The following MYO7B variants were observed in gnomAD, a reference collection of about 807,000 sequenced individuals.
MYO7B encodes myosin VIIB.
In MYO7B, 212 loss-of-function variants were observed where a neutral mutation model predicts 259.7. The observed-to-expected ratio is 0.82, with a 90% CI of 0.73 to 0.91. The LOEUF (loss-of-function observed/expected upper bound fraction) is 0.91. Among genes scored for constraint, MYO7B ranks in the 40% least tolerant of loss-of-function variants. The pLI is 0.00. For synonymous variants in MYO7B, 1,197 were observed against 1,166.4 expected (o/e 1.03, Z -0.54); for missense variants, 2,732 against 2,813.5 (o/e 0.97, Z 0.66).
chr2:127,612,551 C>A lies in MYO7B; in HGVS notation c.3346C>A (p.Leu1116Met). 6.2e-7 allele frequency: 1 copy of A among 1,601,136 alleles called. No individual in the cohort carries two copies. Among genetic ancestry groups the A allele is most frequent in the South Asian group, 1.1e-5 (1 of 88,260 alleles). Residue 1116 changes from leucine (L) to methionine (M), a missense_variant, in exon 26 of 48, where the codon CTG becomes ATG. This residue lies in a region of MYO7B where 1,906 missense variants were observed against 2,026.4 expected (regional missense o/e 0.94). Transcript: ENST00000409816. ...GLGADRPMSN[L>M]EKVHFIVGYA... ...TGGTGCAGACCGGCCCATGTCCAAC[C>A]TGGAGAAGGTGCACTTCATCGTGGG...
chr2:127,616,065 G>A (rs1409507718), intron 26 of MYO7B, among the ~76,000 whole-genome samples: 6 of 152,212 alleles, frequency 3.9e-5, no homozygotes, highest in African/African-American at 1.4e-4. Context: ...GAGGCATGCC[G>A]TTGCTGAAGC....
intron 1 of MYO7B, among the ~76,000 whole-genome samples, chr2:127,540,458 C>T (rs558313093): frequency 3.5e-4 from 54 of 152,350 alleles, no homozygotes; most frequent in African/African-American, 1.3e-3. Context: ...GCCACCGCGC[C>T]CAGCCGCAAG....
Position 127,628,602 on chromosome 2 carries a change from G to C in MYO7B, c.4624+67G>C. 1 of 1,408,664 alleles carries C rather than the reference G, an allele frequency of 7.1e-7. No individual in the cohort carries two copies. The highest frequency in any genetic ancestry group is 1.3e-5 in the South Asian group (1 of 74,436). The allele number at this position is 1,408,664 out of a possible 1,614,324, so 87.3% of individuals were successfully genotyped here. Reference sequence around the variant, plus strand: ...GGGAGGGCCGCGCATGGGGTCTGTAGGTAGGTGGCATGCTCATCTCCACAC... The same window carrying C: ...GGGAGGGCCGCGCATGGGGTCTGTACGTAGGTGGCATGCTCATCTCCACAC... On this transcript the variant is annotated intron_variant, in intron 34 of 47. Coordinates refer to ENST00000409816, the MANE Select transcript of MYO7B (RefSeq NM_001393586.1). The surrounding 1 kb of genome is among the most constrained non-coding windows in gnomAD (Gnocchi z 4.8).
At position 127,584,182 on chromosome 2, in the gene MYO7B, C is replaced by A. The variant is rs756955734; in HGVS notation, c.1404C>A (p.His468Gln). The change falls in exon 13 of 48, where the codon CAC becomes CAA. Residue 468 changes from histidine (H) to glutamine (Q), a missense_variant. By Grantham distance (24) the His-to-Gln change is conservative. Transcript: ENST00000409816. The surrounding 1 kb of genome is among the most constrained non-coding windows in gnomAD (Gnocchi z 5.8). ...NEHLQQFFVQ[H>Q]VFTMEQEEYR... ...ACCTGCAGCAGTTCTTTGTGCAGCACGTGTTCACCATGGAGCAAGAGGAGT... is the reference window on the plus strand; with the variant it reads ...ACCTGCAGCAGTTCTTTGTGCAGCAAGTGTTCACCATGGAGCAAGAGGAGT... 6.2e-7 allele frequency: 1 copy of A among 1,613,968 alleles called. No homozygotes were observed. The highest frequency in any genetic ancestry group is 8.5e-7 in the Non-Finnish European group (1 of 1,179,880).
chr2:127,588,943 G>C (rs1679419452), intron 15 of MYO7B, among the ~76,000 whole-genome samples: 1 of 150,546 alleles, frequency 6.6e-6, no homozygotes, highest in African/African-American at 2.4e-5. Flanking sequence ...GTGAATGGGT[G>C]GTTGGGTGGA....
chr2:127,584,696 C>G lies in MYO7B; in HGVS notation c.1555-82C>G. 3 of 1,524,982 alleles carry G rather than the reference C, an allele frequency of 2.0e-6. No homozygotes were observed. The highest frequency in any genetic ancestry group is 2.7e-6 in the Non-Finnish European group (3 of 1,118,094). The allele number at this position is 1,524,982 out of a possible 1,614,324, so 94.5% of individuals were successfully genotyped here. A position where few individuals can be genotyped will look rare whatever the true frequency, so the allele number is the denominator to read the frequency against. ...TCATTCTGAGCCCAGATCTCTTTGC[C>G]TCCATGAGGAAGTCCCTGAGCCTCA... On this transcript the variant is annotated intron_variant, in intron 13 of 47. Transcript: ENST00000409816. The surrounding 1 kb of genome is among the most constrained non-coding windows in gnomAD (Gnocchi z 5.8).
Position 127,576,413 on chromosome 2 carries a change from G to T in MYO7B, c.736-182G>T, listed in dbSNP as rs116173864. Among the ~76,000 whole-genome samples the T allele has an allele frequency of 0.016, 2,371 of 152,250 alleles. 26 individuals carry two copies. Among genetic ancestry groups the T allele is most frequent in the Non-Finnish European group, 0.022 (1,479 of 67,994 alleles). On this transcript the variant is annotated intron_variant, in intron 7 of 47. Transcript: ENST00000409816. This position sits in a 1 kb window ranked among gnomAD's most constrained non-coding sequence, Gnocchi z 4.9. ...TTCTCAGGGCAGGGATGAGACAGCCGCGGAGGCCCGGGACAGGGACAGCAA... is the reference window on the plus strand; with the variant it reads ...TTCTCAGGGCAGGGATGAGACAGCCTCGGAGGCCCGGGACAGGGACAGCAA...
intron 21 of MYO7B, among the ~76,000 whole-genome samples, chr2:127,608,490 C>T (rs1230192365): frequency 3.9e-5 from 6 of 152,260 alleles, no homozygotes; most frequent in African/African-American, 7.2e-5. Flanking sequence ...CTCCAGAGCT[C>T]TGATTATCAC....
chr2:127,551,652 A>G (rs1362982185), intron 1 of MYO7B, among the ~76,000 whole-genome samples: 2 of 152,256 alleles, frequency 1.3e-5, no homozygotes, highest in Non-Finnish European at 2.9e-5. Flanking sequence ...GCAAGGCCCT[A>G]AAGCAGAGGC....
chr2:127,561,226 G>A (rs1241603047), intron 2 of MYO7B, among the ~76,000 whole-genome samples: 1 of 152,008 alleles, frequency 6.6e-6, no homozygotes, highest in Non-Finnish European at 1.5e-5. Context: ...ACAATTGCAG[G>A]CCTGCTCTGT....
chr2:127,614,113 C>T lies in MYO7B; in HGVS notation c.3398+1510C>T, dbSNP rs1680486269. Among the ~76,000 whole-genome samples the T allele has an allele frequency of 6.6e-6, 1 of 152,118 alleles. No homozygotes were observed. Among genetic ancestry groups the T allele is most frequent in the Non-Finnish European group, 1.5e-5 (1 of 68,030 alleles). On this transcript the variant is annotated intron_variant, in intron 26 of 47. Transcript: ENST00000409816. The surrounding 1 kb of genome is among the most constrained non-coding windows in gnomAD (Gnocchi z 4.6). ...TGGTTAATCCTCACTGGCCACCACA[C>T]CACACCCTCCAATATGGCAGACACA...
At chr2:127,537,250 C>T (rs373035821) in intron 1 of MYO7B, among the ~76,000 whole-genome samples, 25 of 152,136 alleles carry the variant, frequency 1.6e-4, no homozygotes, top group Admixed American at 7.2e-4. Flanking sequence ...TTATCATGCC[C>T]GCTGAAACTG....
At chr2:127,633,785 G>A (rs374795070) in intron 40 of MYO7B, among the ~76,000 whole-genome samples, 1 of 152,288 alleles carries the variant, frequency 6.6e-6, no homozygotes, top group Middle Eastern at 3.4e-3. Flanking sequence ...GGACCCCACC[G>A]TGACACAGAG....
chr2:127,569,107 C>A (rs1046054704), intron 5 of MYO7B, among the ~76,000 whole-genome samples: 1 of 147,346 alleles, frequency 6.8e-6, no homozygotes, highest in African/African-American at 2.5e-5. Flanking sequence ...ACTCAGGAAG[C>A]TGAGGCATGA....
intron 6 of MYO7B, among the ~76,000 whole-genome samples, chr2:127,571,199 C>T (rs553804686): frequency 7.6e-4 from 116 of 152,226 alleles, no homozygotes; most frequent in African/African-American, 2.8e-3. Flanking sequence ...GCTTTCCCAC[C>T]AGCAGAGCAG....
rs1021255159 is a variant in MYO7B, at chr2:127,628,002, G to A, written c.4461-370G>A. ...AGCATCACCCATTCTGCAGATGAGC[G>A]GATGAGTAAACTGAAGCACGCCGAG... On this transcript the variant is annotated intron_variant, in intron 33 of 47. Transcript: ENST00000409816. This position sits in a 1 kb window ranked among gnomAD's most constrained non-coding sequence, Gnocchi z 4.8. 4.2e-5 allele frequency: 20 copies of A among 481,914 alleles called. No homozygotes were observed. The highest frequency in any genetic ancestry group is 3.1e-4 in the Middle Eastern group (1 of 3,204). The allele number at this position is 481,914 out of a possible 1,614,324, so 29.9% of individuals were successfully genotyped here. A position where few individuals can be genotyped will look rare whatever the true frequency, so the allele number is the denominator to read the frequency against.
chr2:127,537,277 A>AG (rs1232308665), intron 1 of MYO7B, among the ~76,000 whole-genome samples: 2 of 152,132 alleles, frequency 1.3e-5, no homozygotes, highest in Non-Finnish European at 2.9e-5. Context: ...CTGGGGCTCC[A>AG]GCTATTGTCT....
At chr2:127,580,683 C>G in intron 9 of MYO7B, 63 bp from the exon 10 acceptor site, 8 of 1,504,042 alleles carry the variant, frequency 5.3e-6, no homozygotes, top group Non-Finnish European at 6.4e-6. Flanking sequence ...CCGGGCCAGT[C>G]GGGACCTTGC....
At chr2:127,587,052 G>C (rs1679331934) in intron 14 of MYO7B, among the ~76,000 whole-genome samples, 1 of 152,194 alleles carries the variant, frequency 6.6e-6, no homozygotes, top group Admixed American at 6.5e-5. Context: ...TTCCTCCCCA[G>C]ATCCACAGCA....
Sources: gnomAD v4.1 joint callset for allele counts (sites outside exome capture counted in the v4.1 genomes callset) on GRCh38, gnomAD v4.1.1 for gene constraint, gnomAD v4.1.1 regional missense constraint, Gnocchi (gnomAD v3.1) non-coding constraint, MANE v1.5 for transcripts, NCBI Gene and HGNC (gene_info 2026-07-23, HGNC 2026-07-21) for gene names.